The following MTMR3 variants were observed in gnomAD, a reference collection of about 807,000 sequenced individuals.
The protein encoded by MTMR3 is phosphatidylinositol-3,5-bisphosphate 3-phosphatase MTMR3.
A neutral mutation model predicts 132.4 loss-of-function variants in MTMR3; 32 were observed. The observed-to-expected ratio is 0.24, with a 90% CI of 0.18 to 0.32. MTMR3 has a LOEUF of 0.32. Ranked by LOEUF, MTMR3 falls within the 10% of genes least tolerant of loss-of-function variation. The pLI is 1.00. For synonymous variants in MTMR3, 556 were observed against 550.3 expected (o/e 1.01, Z -0.14); for missense variants, 1,216 against 1,489.6 (o/e 0.82, Z 3.02).
chr22:29,960,194 A>C (rs2066283071), intron 2 of MTMR3, among the ~76,000 whole-genome samples: 1 of 152,220 alleles, frequency 6.6e-6, no homozygotes, highest in Non-Finnish European at 1.5e-5. Context: ...AAGAGATATA[A>C]AAATAGCTTC....
At chr22:29,905,944 C>T (rs960680020) in intron 1 of MTMR3, among the ~76,000 whole-genome samples, 1 of 152,114 alleles carries the variant, frequency 6.6e-6, no homozygotes, top group Non-Finnish European at 1.5e-5. Flanking sequence ...CATTATATAT[C>T]CTTCTACTGA....
intron 1 of MTMR3, among the ~76,000 whole-genome samples, chr22:29,900,791 G>A (rs1410037856): frequency 6.6e-6 from 1 of 152,114 alleles, no homozygotes; most frequent in Non-Finnish European, 1.5e-5. Flanking sequence ...TTGGCTCACT[G>A]CAGCCTCTGC....
At chr22:29,975,545 A>C (rs1329324251) in intron 3 of MTMR3, among the ~76,000 whole-genome samples, 1 of 152,224 alleles carries the variant, frequency 6.6e-6, no homozygotes, top group African/African-American at 2.4e-5. Flanking sequence ...GAGTATTTTA[A>C]GTTTTCCCAG....
chr22:30,014,958 C>T (rs1299388194), intron 14 of MTMR3: 1 of 152,236 alleles, frequency 6.6e-6, no homozygotes, highest in Non-Finnish European at 1.5e-5. Context: ...TCAGCTTAGA[C>T]CTCTCCACTT....
intron 1 of MTMR3, among the ~76,000 whole-genome samples, chr22:29,945,672 T>G (rs2145820789): frequency 6.7e-6 from 1 of 149,518 alleles, no homozygotes; most frequent in East Asian, 2.0e-4. Context: ...GCCACTGCAT[T>G]CCAGCCTGGG....
Position 29,978,489 on chromosome 22 carries a change from C to A in MTMR3, c.51C>A (p.Ile17=), listed in dbSNP as rs1351172134. 2 of 1,613,716 alleles carry A rather than the reference C, an allele frequency of 1.2e-6. No homozygotes were observed. Among genetic ancestry groups the A allele is most frequent in the African/African-American group, 2.7e-5 (2 of 74,912 alleles). The change falls in exon 4 of 20, where the codon ATC becomes ATA. Residue 17 remains isoleucine (I), a synonymous_variant. Transcript: ENST00000401950. ...TTGAGTGCATCCAGGCCAATCAGAT[C>A]TTTCCCAGGAAGCAGCTGATCCGGG... is the stretch of plus-strand genomic sequence containing the variant. ...HSLECIQANQ[I]FPRKQLIRED...
chr22:30,016,731 G>A, intron 15 of MTMR3, 33 bp downstream of exon 15: 1 of 1,581,762 alleles, frequency 6.3e-7, no homozygotes, highest in Non-Finnish European at 8.6e-7. Context: ...ACTGTGGTCA[G>A]CAGAAGGAAT....
rs1359811151 is a variant in MTMR3, at chr22:30,028,552, ATATGT to A, written c.*2756_*2760del. On this transcript the variant is annotated 3_prime_UTR_variant, in exon 20 of 20. Coordinates refer to ENST00000401950, the MANE Select transcript of MTMR3 (RefSeq NM_021090.4). ...CCCATCACATGGGTCTGTGGGTGAG[ATATGT>A]TATGCTGTTCCTCCCTCGGGAAGGT... The A allele has an allele frequency of 8.5e-5, 13 of 152,188 alleles. No homozygotes were observed. Among genetic ancestry groups the A allele is most frequent in the African/African-American group, 2.2e-4 (9 of 41,384 alleles). The allele number at this position is 152,188 out of a possible 1,614,324, so 9.4% of individuals were successfully genotyped here.
chr22:29,957,778 C>T lies in MTMR3; in HGVS notation c.-85+690C>T, dbSNP rs202235562. 3.3e-5 allele frequency among the ~76,000 whole-genome samples: 5 copies of T among 152,148 alleles called. No individual in the cohort carries two copies. The East Asian group carries it at 9.6e-4, about 29-fold the overall frequency. On this transcript the variant is annotated intron_variant, in intron 2 of 19. Transcript: ENST00000401950. ...TTACTAGAGTTAGTTCAGCAGTTCCCCCTTACCTTCTTTTGCTTTCCAAGG... is the reference window on the plus strand; with the variant it reads ...TTACTAGAGTTAGTTCAGCAGTTCCTCCTTACCTTCTTTTGCTTTCCAAGG...
intron 2 of MTMR3, among the ~76,000 whole-genome samples, chr22:29,968,582 T>C (rs2066475167): frequency 7.9e-5 from 12 of 152,156 alleles, no homozygotes; most frequent in Admixed American, 7.9e-4. Context: ...CTATCTAAAG[T>C]AGCATTTCTG....
Position 30,020,560 on chromosome 22 carries a change from G to C in MTMR3, c.2901G>C (p.Lys967Asn), listed in dbSNP as rs1267429635. The C allele has an allele frequency of 1.9e-6, 3 of 1,614,204 alleles. No individual in the cohort carries two copies. The highest frequency in any genetic ancestry group is 2.5e-6 in the Non-Finnish European group (3 of 1,180,038). The change falls in exon 17 of 20, where the codon AAG becomes AAC. Residue 967 changes from lysine to asparagine, a missense_variant. By Grantham distance (94) the Lys-to-Asn change is moderately conservative (BLOSUM62 0). Transcript: ENST00000401950. ...HCANGEAGRS[K>N]DSLSRQLSAM... ...CCAATGGGGAGGCTGGTAGGAGCAAGGACTCACTGAGCCGTCAGCTGTCTG... is the reference window on the plus strand; with the variant it reads ...CCAATGGGGAGGCTGGTAGGAGCAACGACTCACTGAGCCGTCAGCTGTCTG...
At chr22:29,904,514 A>C (rs1298356305) in intron 1 of MTMR3, among the ~76,000 whole-genome samples, 1 of 152,140 alleles carries the variant, frequency 6.6e-6, no homozygotes, top group Non-Finnish European at 1.5e-5. Context: ...AACTTCTCTG[A>C]GTCTCAGGTT....
At position 29,949,129 on chromosome 22, in the gene MTMR3, ACACACACACACACACCCCCCC is replaced by A. The variant is rs1332077846; in HGVS notation, c.-137-7905_-137-7885del. Among the ~76,000 whole-genome samples the A allele has an allele frequency of 4.6e-3, 140 of 30,514 alleles. 4 individuals carry two copies. Among genetic ancestry groups the A allele is most frequent in the Admixed American group, 8.0e-3 (24 of 2,994 alleles). 20.0% of individuals were successfully genotyped at this position (30,514 alleles called of 152,430 possible). On this transcript the variant is annotated intron_variant, in intron 1 of 19. Transcript: ENST00000401950. ...CACACACACACACACACACACACAC[ACACACACACACACACCCCCCC>A]CCCCCCCCCCGAGGCCCTGTCTTAA...
chr22:29,989,436 G>T (rs1355913110), intron 6 of MTMR3: 2 of 152,114 alleles, frequency 1.3e-5, no homozygotes, highest in Admixed American at 6.6e-5. Flanking sequence ...CACCATGTTG[G>T]TCAGGCTGGT....
intron 5 of MTMR3, chr22:29,979,478 G>T: frequency 4.2e-6 from 1 of 236,686 alleles, no homozygotes; most frequent in South Asian, 5.2e-5. Flanking sequence ...GGTGACCAGA[G>T]CAAGACTCCA....
At chr22:29,921,584 C>G (rs1251703389) in intron 1 of MTMR3, among the ~76,000 whole-genome samples, 1 of 152,088 alleles carries the variant, frequency 6.6e-6, no homozygotes, top group Non-Finnish European at 1.5e-5. Context: ...CATTTAAATA[C>G]TTTCATATTT....
chr22:29,909,922 G>A (rs557366434), intron 1 of MTMR3, among the ~76,000 whole-genome samples: 4 of 150,984 alleles, frequency 2.6e-5, no homozygotes, highest in East Asian at 2.0e-4. Flanking sequence ...TTGGGAGGCC[G>A]AGGCGGGCGG....
intron 8 of MTMR3, chr22:30,002,087 A>AT (rs1478195684): frequency 2.0e-5 from 3 of 152,322 alleles, no homozygotes; most frequent in East Asian, 3.9e-4. Context: ...AGAGAGAGAC[A>AT]TTGTCCTGTA....
intron 1 of MTMR3, among the ~76,000 whole-genome samples, chr22:29,884,611 G>T (rs910172620): frequency 2.8e-5 from 4 of 142,390 alleles, no homozygotes; most frequent in African/African-American, 5.3e-5. Flanking sequence ...CGCCCAGGCC[G>T]GAGTGCAGTA....
Sources: gnomAD v4.1 joint callset for allele counts (sites outside exome capture counted in the v4.1 genomes callset) on GRCh38, gnomAD v4.1.1 for gene constraint, MANE v1.5 for transcripts, NCBI Gene and HGNC (gene_info 2026-07-23, HGNC 2026-07-21) for gene names.